Variants in HCRTR2 observed in about 807,000 individuals in gnomAD.
The protein encoded by HCRTR2 is orexin receptor type 2.
In HCRTR2, 22 loss-of-function variants were observed where a neutral mutation model predicts 49.0. The ratio of observed to expected loss-of-function variants is 0.45; its 90% CI spans 0.32 to 0.64. HCRTR2 has a LOEUF of 0.64. Ranked by LOEUF, HCRTR2 falls within the 30% of genes least tolerant of loss-of-function variation. The pLI is 0.04. For missense variants in HCRTR2, 491 were observed against 559.4 expected (o/e 0.88, Z 1.23); for synonymous variants, 236 against 205.3 (o/e 1.15, Z -1.28).
At chr6:55,230,428 C>T (rs1766092302) in intron 1 of HCRTR2, among the ~76,000 whole-genome samples, 1 of 152,156 alleles carries the variant, frequency 6.6e-6, no homozygotes, top group African/African-American at 2.4e-5. Flanking sequence ...AACCCAGAAA[C>T]TCCCAAGAGT....
intron 1 of HCRTR2, among the ~76,000 whole-genome samples, chr6:55,163,523 G>A (rs1366167975): frequency 2.0e-5 from 3 of 152,040 alleles, no homozygotes; most frequent in Admixed American, 6.6e-5. Flanking sequence ...CAAGCAATGG[G>A]GAAAGGATTT....
At chr6:55,255,050 C>T (rs2127317018) in intron 2 of HCRTR2, 86 bp from the exon 3 acceptor site, 2 of 1,467,164 alleles carry the variant, frequency 1.4e-6, no homozygotes, top group South Asian at 1.2e-5. Flanking sequence ...TATGTTGTGA[C>T]TACCTTTCTC....
At chr6:55,114,990 A>G (rs1764096483) in intron 1 of HCRTR2, among the ~76,000 whole-genome samples, 1 of 151,806 alleles carries the variant, frequency 6.6e-6, no homozygotes, top group Non-Finnish European at 1.5e-5. Context: ...ATGCAGACAT[A>G]CAAATTAGAA....
intron 1 of HCRTR2, among the ~76,000 whole-genome samples, chr6:55,235,237 CTCAG>C (rs1368067459): frequency 2.0e-5 from 3 of 152,022 alleles, no homozygotes; most frequent in Non-Finnish European, 2.9e-5. Flanking sequence ...TATTGTACTT[CTCAG>C]TCTGAATAGT....
rs569442485 is a variant in HCRTR2, at chr6:55,147,670, G to A, written c.-377-26541G>A. On this transcript the variant is annotated intron_variant, in intron 1 of 7. Transcript: ENST00000615358. ...CTATAATTCATTTTGATGATCTGTC[G>A]GGTGGGTTTGATACTTCTTCTTTTT... Among the ~76,000 whole-genome samples the A allele has an allele frequency of 1.1e-4, 17 of 152,198 alleles. No individual in the cohort carries two copies. The East Asian group carries it at 2.3e-3, about 21-fold the overall frequency.
At chr6:55,245,469 T>TTA (rs745939954) in intron 1 of HCRTR2, among the ~76,000 whole-genome samples, 2,338 of 56,608 alleles carry the variant, frequency 0.041, 57 homozygotes, top group East Asian at 0.14. Context: ...TAGGAAGATT[T>TTA]TATATATATA....
At chr6:55,214,015 T>A (rs371174662) in intron 1 of HCRTR2, among the ~76,000 whole-genome samples, 2 of 151,452 alleles carry the variant, frequency 1.3e-5, no homozygotes, top group South Asian at 4.2e-4. Context: ...CACACCAATC[T>A]CAGAGTGCAG....
intron 1 of HCRTR2, among the ~76,000 whole-genome samples, chr6:55,168,543 G>A (rs1764907699): frequency 6.6e-6 from 1 of 152,054 alleles, no homozygotes; most frequent in Admixed American, 6.6e-5. Flanking sequence ...TTGTGTGTCA[G>A]TTTCTTCATT....
At chr6:55,254,506 G>T (rs1039906542) in intron 2 of HCRTR2, among the ~76,000 whole-genome samples, 1 of 152,118 alleles carries the variant, frequency 6.6e-6, no homozygotes. Flanking sequence ...GACTAGGCTA[G>T]CAGTGAGCAA....
chr6:55,233,191 T>A lies in HCRTR2; in HGVS notation c.224-15448T>A, dbSNP rs556858259. On this transcript the variant is annotated intron_variant, in intron 1 of 6. Transcript: ENST00000370862. ...GCAATCTCCGCCTCTCGGATTCTAGTGATTCTCCTGCCTCGGCATCCCGAG... is the reference window on the plus strand; with the variant it reads ...GCAATCTCCGCCTCTCGGATTCTAGAGATTCTCCTGCCTCGGCATCCCGAG... Among the ~76,000 whole-genome samples, 43 of 151,988 alleles carry A rather than the reference T, an allele frequency of 2.8e-4. 1 individual carries two copies. In the East Asian group the frequency reaches 8.2e-3, roughly 29 times the overall value.
chr6:55,191,708 T>A (rs975607623), intron 1 of HCRTR2, among the ~76,000 whole-genome samples: 2 of 152,046 alleles, frequency 1.3e-5, no homozygotes, highest in Non-Finnish European at 2.9e-5. Flanking sequence ...GCCAGAAGAA[T>A]AAGGATTAAG....
intron 1 of HCRTR2, among the ~76,000 whole-genome samples, chr6:55,131,188 AG>A (rs1014766642): frequency 2.0e-5 from 3 of 151,738 alleles, no homozygotes; most frequent in African/African-American, 7.2e-5. Flanking sequence ...TCACATCTTT[AG>A]GGATCAGTTG....
rs9396059 is a variant in HCRTR2, at chr6:55,205,435, T to C, written c.223+30625T>C. Reference sequence around the variant, plus strand: ...AGAAGAGAGTAATTAGCTCAAATGCTACTGATAAGTAAAGTGAAATGTAGA... The same window carrying C: ...AGAAGAGAGTAATTAGCTCAAATGCCACTGATAAGTAAAGTGAAATGTAGA... On this transcript the variant is annotated intron_variant, in intron 1 of 6. Coordinates refer to ENST00000370862, the MANE Select transcript of HCRTR2 (RefSeq NM_001384272.1). 2.6e-5 allele frequency among the ~76,000 whole-genome samples: 4 copies of C among 152,242 alleles called. No homozygotes were observed. The East Asian group carries it at 7.7e-4, about 29-fold the overall frequency.
At chr6:55,115,479 AGTGTGTGT>A (rs34700512) in intron 1 of HCRTR2, among the ~76,000 whole-genome samples, 53,924 of 148,628 alleles carry the variant, frequency 0.36, 10,360 homozygotes, top group African/African-American at 0.51. Flanking sequence ...GTTGCTAAAG[AGTGTGTGT>A]GTGTGTGTGT....
At chr6:55,221,530 TG>T (rs1404320065) in intron 1 of HCRTR2, among the ~76,000 whole-genome samples, 3 of 152,076 alleles carry the variant, frequency 2.0e-5, no homozygotes, top group Non-Finnish European at 2.9e-5. Context: ...ATTAAAGATC[TG>T]GGCCGGGCGT....
intron 1 of HCRTR2, among the ~76,000 whole-genome samples, chr6:55,177,613 T>C (rs1006737305): frequency 6.6e-6 from 1 of 152,196 alleles, no homozygotes; most frequent in Non-Finnish European, 1.5e-5. Flanking sequence ...TACTTTCATA[T>C]AACTGCTTGG....
intron 1 of HCRTR2, among the ~76,000 whole-genome samples, chr6:55,162,404 A>C (rs529969066): frequency 7.9e-5 from 12 of 152,342 alleles, no homozygotes; most frequent in African/African-American, 2.9e-4. Context: ...AAAAGCTGGA[A>C]GCATTCCCTT....
At chr6:55,187,499 G>T (rs1159359560) in intron 1 of HCRTR2, among the ~76,000 whole-genome samples, 1 of 149,592 alleles carries the variant, frequency 6.7e-6, no homozygotes, top group Non-Finnish European at 1.5e-5. Flanking sequence ...GCAGATCCTG[G>T]AACAACTGAA....
At chr6:55,245,369 G>A (rs1295729581) in intron 1 of HCRTR2, among the ~76,000 whole-genome samples, 1 of 129,766 alleles carries the variant, frequency 7.7e-6, no homozygotes, top group Non-Finnish European at 1.7e-5. Context: ...CGATGTGTGT[G>A]TGTATATATA....
Sources: allele counts gnomAD v4.1 joint callset (sites outside exome capture counted in the v4.1 genomes callset), GRCh38; gene constraint gnomAD v4.1.1; transcripts MANE v1.5; gene names NCBI Gene and HGNC (gene_info 2026-07-23, HGNC 2026-07-21).